The following NUP35 variants were observed in gnomAD, a reference collection of about 807,000 sequenced individuals.
NUP35 encodes nucleoporin 35.
A neutral mutation model predicts 41.5 loss-of-function variants in NUP35; 25 were observed. The observed-to-expected ratio is 0.60, with a 90% confidence interval of 0.44 to 0.84. NUP35 has a LOEUF of 0.84. Among genes scored for constraint, NUP35 ranks in the 40% least tolerant of loss-of-function variants. The pLI is 0.00. For missense variants in NUP35, 396 were observed against 396.6 expected (o/e 1.00, Z 0.01); for synonymous variants, 149 against 130.7 (o/e 1.14, Z -0.96).
intron 3 of NUP35, chr2:183,131,192 G>A (rs1277000962): frequency 1.7e-5 from 3 of 178,242 alleles, no homozygotes; most frequent in African/African-American, 7.0e-5. Flanking sequence ...GGTGATCCTT[G>A]CACCTTGACC....
At chr2:183,118,255 A>G (rs1700016349) in intron 1 of NUP35, 1 of 152,236 alleles carries the variant, frequency 6.6e-6, no homozygotes, top group Admixed American at 6.5e-5. Flanking sequence ...GGTAGAGAAA[A>G]AAGTATTGTA....
upstream of NUP35, chr2:183,123,770 C>T: frequency 2.0e-6 from 2 of 985,072 alleles, no homozygotes; most frequent in Non-Finnish European, 2.4e-6. Context: ...GGGACGTGGA[C>T]GGCAGGGATG....
In NUP35 at chr2:183,130,415, T is replaced by C. The variant is rs771763578; in HGVS notation, c.212-3T>C. The C allele has an allele frequency of 1.3e-6, 2 of 1,572,826 alleles. No individual in the cohort carries two copies. The highest frequency in any genetic ancestry group is 1.7e-6 in the Non-Finnish European group (2 of 1,158,478). On this transcript the variant is annotated splice_region_variant and splice_polypyrimidine_tract_variant and intron_variant, in intron 2 of 8. Transcript: ENST00000295119. ...TTTTTTTTTTTTTTTTTGTACACTGTAGGTGGGTCACCACCACAACCAGTT... is the reference window on the plus strand; with the variant it reads ...TTTTTTTTTTTTTTTTTGTACACTGCAGGTGGGTCACCACCACAACCAGTT...
intron 5 of NUP35, among the ~76,000 whole-genome samples, chr2:183,153,829 G>A (rs1454383415): frequency 6.6e-6 from 1 of 152,236 alleles, no homozygotes; most frequent in Admixed American, 6.5e-5. Context: ...CTGTGTGGGA[G>A]CTTTGACCCC....
intron 4 of NUP35, among the ~76,000 whole-genome samples, chr2:183,138,926 T>A (rs899816681): frequency 1.1e-4 from 17 of 152,238 alleles, no homozygotes; most frequent in African/African-American, 4.1e-4. Context: ...GGACTCTTCT[T>A]TTTCTGGTTT....
At chr2:183,152,155 A>ACACACACACAC (rs58605274) in intron 5 of NUP35, among the ~76,000 whole-genome samples, 1 of 141,844 alleles carries the variant, frequency 7.1e-6, no homozygotes, top group Non-Finnish European at 1.5e-5. Context: ...ACACACACAC[A>ACACACACACAC]ATGTCACAGG....
At chr2:183,124,120 G>A (rs549214234), upstream of NUP35, among the ~76,000 whole-genome samples, 47 of 152,272 alleles carry the variant, frequency 3.1e-4, no homozygotes, top group African/African-American at 1.1e-3. Context: ...AGAGCACTGG[G>A]TCAACTCACG....
chr2:183,124,169 A>G (rs1383668219), upstream of NUP35, among the ~76,000 whole-genome samples: 1 of 152,190 alleles, frequency 6.6e-6, no homozygotes, highest in Non-Finnish European at 1.5e-5. Context: ...CTGTGCTTCT[A>G]TGTAACTTAA....
At chr2:183,123,827 G>A, upstream of NUP35, 1 of 985,242 alleles carries the variant, frequency 1.0e-6, no homozygotes, top group Non-Finnish European at 1.2e-6. Context: ...GGGTTCGTGG[G>A]TGCGTATAAT....
chr2:183,136,026 C>G (rs1684863718), intron 4 of NUP35, among the ~76,000 whole-genome samples: 1 of 152,210 alleles, frequency 6.6e-6, no homozygotes, highest in African/African-American at 2.4e-5. Context: ...TCCTCCAAGT[C>G]TGAATTTCTT....
At chr2:183,145,962 A>G (rs1169009107) in intron 4 of NUP35, among the ~76,000 whole-genome samples, 1 of 152,224 alleles carries the variant, frequency 6.6e-6, no homozygotes, top group Non-Finnish European at 1.5e-5. Flanking sequence ...TCTGCTGTGC[A>G]TGGTAGCTCA....
chr2:183,132,678 G>T (rs1050039583), intron 3 of NUP35, among the ~76,000 whole-genome samples: 1 of 152,132 alleles, frequency 6.6e-6, no homozygotes, highest in African/African-American at 2.4e-5. Flanking sequence ...TACAGATATT[G>T]CTGTATTCAA....
At chr2:183,130,882 A>C in intron 3 of NUP35, 6 of 831,598 alleles carry the variant, frequency 7.2e-6, no homozygotes, top group Non-Finnish European at 9.2e-6. Flanking sequence ...TTAATATTTA[A>C]TATTTAAAAA....
At chr2:183,120,246 G>A (rs928041308), upstream of NUP35, 1 of 152,264 alleles carries the variant, frequency 6.6e-6, no homozygotes, top group Admixed American at 6.5e-5. Flanking sequence ...AGGAGTTCGA[G>A]ACCAGCCTGG....
intron 4 of NUP35, among the ~76,000 whole-genome samples, chr2:183,142,625 T>C (rs1685136823): frequency 6.9e-6 from 1 of 144,466 alleles, no homozygotes; most frequent in African/African-American, 2.7e-5. Flanking sequence ...GGACTACAGA[T>C]GTGCACCACA....
chr2:183,119,904 C>T (rs994769278), upstream of NUP35: 3 of 152,144 alleles, frequency 2.0e-5, no homozygotes, highest in Admixed American at 1.3e-4. Context: ...AGTAGGGTAA[C>T]AATGTGTATT....
intron 4 of NUP35, among the ~76,000 whole-genome samples, chr2:183,151,270 C>T (rs1685460701): frequency 6.6e-6 from 1 of 152,180 alleles, no homozygotes; most frequent in Non-Finnish European, 1.5e-5. Context: ...CTTAATAAAA[C>T]ATTTAGATAA....
chr2:183,141,926 T>A (rs1242416312), intron 4 of NUP35, among the ~76,000 whole-genome samples: 4 of 152,218 alleles, frequency 2.6e-5, no homozygotes, highest in Non-Finnish European at 5.9e-5. Context: ...AAGAACATAT[T>A]TAAGTAGCTT....
intron 4 of NUP35, 31 bp downstream of exon 4, chr2:183,133,654 T>G: frequency 1.4e-6 from 2 of 1,398,758 alleles, no homozygotes; most frequent in South Asian, 1.3e-5. Context: ...TTTTTTTTTT[T>G]TAAAAGACAG....
Sources: gnomAD v4.1 joint callset for allele counts (sites outside exome capture counted in the v4.1 genomes callset) on GRCh38, gnomAD v4.1.1 for gene constraint, MANE v1.5 for transcripts, NCBI Gene and HGNC (gene_info 2026-07-23, HGNC 2026-07-21) for gene names.